Variants in GHR observed in about 807,000 individuals in gnomAD.
GHR encodes GH receptor.
GHR carries 35 observed loss-of-function variants against 67.1 expected under a neutral mutation model. The ratio of observed to expected loss-of-function variants is 0.52; its 90% CI spans 0.40 to 0.69. GHR has a LOEUF of 0.69. Ranked by LOEUF, GHR falls within the 30% of genes least tolerant of loss-of-function variation. The pLI is 0.00. For missense variants in GHR, 792 were observed against 764.6 expected (o/e 1.04, Z -0.42); for synonymous variants, 272 against 269.1 (o/e 1.01, Z -0.10).
chr5:42,696,577 A>C (rs1451663985), intron 5 of GHR, among the ~76,000 whole-genome samples: 2 of 152,174 alleles, frequency 1.3e-5, no homozygotes, highest in African/African-American at 4.8e-5. Flanking sequence ...CTTAGTAATT[A>C]CAACAGTAAC....
chr5:42,466,052 G>A (rs1477398896), intron 1 of GHR: 2 of 426,742 alleles, frequency 4.7e-6, no homozygotes, highest in Non-Finnish European at 8.6e-6. Flanking sequence ...TTTATTCTTT[G>A]ATTCCTCTAT....
At chr5:42,711,778 T>C (rs905166563) in intron 7 of GHR, among the ~76,000 whole-genome samples, 3 of 152,080 alleles carry the variant, frequency 2.0e-5, no homozygotes, top group South Asian at 2.1e-4. Context: ...TATGGATGGA[T>C]AGATATGTGA....
chr5:42,434,203 G>C (rs1396672079), intron 1 of GHR, among the ~76,000 whole-genome samples: 1 of 152,118 alleles, frequency 6.6e-6, no homozygotes, highest in African/African-American at 2.4e-5. Context: ...CAAGCCATGT[G>C]CTGATGCTGA....
chr5:42,474,278 A>G (rs1463786299), intron 1 of GHR, among the ~76,000 whole-genome samples: 1 of 132,068 alleles, frequency 7.6e-6, no homozygotes, highest in Non-Finnish European at 1.6e-5. Flanking sequence ...AAAGAAAGAA[A>G]GAAAGAAAAA....
At chr5:42,691,502 T>G (rs78295719) in intron 4 of GHR, among the ~76,000 whole-genome samples, 153 of 152,306 alleles carry the variant, frequency 1.0e-3, no homozygotes, top group East Asian at 5.8e-3. Flanking sequence ...ACTTTCTGAC[T>G]CTTATCACTG....
chr5:42,494,650 C>T (rs540979976), intron 1 of GHR, among the ~76,000 whole-genome samples: 25 of 152,234 alleles, frequency 1.6e-4, no homozygotes, highest in South Asian at 8.3e-4. Flanking sequence ...CAGATTAGCA[C>T]GTATGGGAGG....
At chr5:42,676,077 G>C (rs1225811165) in intron 3 of GHR, among the ~76,000 whole-genome samples, 1 of 152,166 alleles carries the variant, frequency 6.6e-6, no homozygotes, top group African/African-American at 2.4e-5. Context: ...ATGAGGTCAG[G>C]AGATCGAGAC....
intron 6 of GHR, among the ~76,000 whole-genome samples, chr5:42,702,282 A>T (rs1378220428): frequency 3.3e-5 from 5 of 152,058 alleles, no homozygotes; most frequent in African/African-American, 9.7e-5. Context: ...TCTGCATATA[A>T]GTGAGATTAT....
At position 42,605,088 on chromosome 5, in the gene GHR, C is replaced by CTT. The variant is rs1439364062; in HGVS notation, c.71-23949_71-23948insTT. ...CAACTTGACCAGAGATTTGTGGTGC[C>CTT]TCTTTTTTTTTTTTTTTTTTTTTTT... On this transcript the variant is annotated intron_variant, in intron 2 of 9. Coordinates refer to ENST00000230882, the MANE Select transcript of GHR (RefSeq NM_000163.5). Among the ~76,000 whole-genome samples the CTT allele has an allele frequency of 1.9e-3, 255 of 135,750 alleles. 1 individual carries two copies. The highest frequency in any genetic ancestry group is 7.4e-3 in the African/African-American group (249 of 33,702). The allele number at this position is 135,750 out of a possible 152,430, so 89.1% of individuals were successfully genotyped here.
Position 42,573,934 on chromosome 5 carries a change from T to C in GHR, c.70+7990T>C, listed in dbSNP as rs190900368. 1.6e-4 allele frequency among the ~76,000 whole-genome samples: 22 copies of C among 136,048 alleles called. No homozygotes were observed. In the East Asian group the frequency reaches 4.2e-3, roughly 26 times the overall value. The allele number at this position is 136,048 out of a possible 152,430, so 89.3% of individuals were successfully genotyped here. On this transcript the variant is annotated intron_variant, in intron 2 of 9. Transcript: ENST00000230882. ...GACTACTGGATAACCATGTGCTATG[T>C]GTAAATATTAACGGATTCACCTTAG...
At chr5:42,480,024 A>G (rs1369660572) in intron 1 of GHR, among the ~76,000 whole-genome samples, 1 of 152,134 alleles carries the variant, frequency 6.6e-6, no homozygotes, top group Non-Finnish European at 1.5e-5. Context: ...GTGGGCATTT[A>G]GTGCTATAAA....
intron 6 of GHR, 38 bp downstream of exon 6, chr5:42,700,040 T>C: frequency 6.2e-6 from 8 of 1,287,828 alleles, no homozygotes; most frequent in Non-Finnish European, 9.0e-6. Flanking sequence ...GACTTTTCTT[T>C]CTATTTCAAC....
chr5:42,592,494 C>A (rs1488806038), intron 2 of GHR, among the ~76,000 whole-genome samples: 1 of 152,200 alleles, frequency 6.6e-6, no homozygotes, highest in African/African-American at 2.4e-5. Flanking sequence ...TTAGCTCCCA[C>A]TTATAAATGA....
intron 1 of GHR, chr5:42,514,295 C>A (rs1747147234): frequency 3.0e-6 from 3 of 983,666 alleles, no homozygotes; most frequent in Non-Finnish European, 2.4e-6. Flanking sequence ...CCCAGGGAGT[C>A]CATATTGGGA....
At chr5:42,576,115 AAATAAAAT>A (rs1561135884) in intron 2 of GHR, among the ~76,000 whole-genome samples, 28 of 92,976 alleles carry the variant, frequency 3.0e-4, no homozygotes, top group African/African-American at 1.3e-3. Flanking sequence ...AAATAAAATA[AAATAAAAT>A]AAAATAAAAT....
intron 1 of GHR, among the ~76,000 whole-genome samples, chr5:42,455,683 C>T (rs997687076): frequency 2.0e-5 from 3 of 152,148 alleles, no homozygotes; most frequent in African/African-American, 7.2e-5. Context: ...ATTGCATTCT[C>T]TTGTAAATCT....
rs1758924581 is a variant in GHR at position 42,719,681 on chromosome 5, C to T, written c.*257C>T. On this transcript the variant is annotated 3_prime_UTR_variant, in exon 10 of 10. Transcript: ENST00000230882. ...CAGACTGTTTAGTAGCAGTGATTGT[C>T]TTAATATTGTGGGTGTTAATTTTTG... is the stretch of plus-strand genomic sequence containing the variant. The T allele has an allele frequency of 4.3e-6, 2 of 468,028 alleles. No individual in the cohort carries two copies. Among genetic ancestry groups the T allele is most frequent in the Middle Eastern group, 1.2e-3 (2 of 1,626 alleles). The allele number at this position is 468,028 out of a possible 1,614,324, so 29.0% of individuals were successfully genotyped here. A position where few individuals can be genotyped will look rare whatever the true frequency, so the allele number is the denominator to read the frequency against.
chr5:42,426,231 G>A lies in GHR; in HGVS notation c.-12+2276G>A, dbSNP rs146817357. ...TAATAAATGGAGCCACAGTTGCAGC[G>A]TGCTTCTTCCAAGTGCATGAAGCAA... On this transcript the variant is annotated intron_variant, in intron 1 of 9. Coordinates refer to ENST00000230882, the MANE Select transcript of GHR (RefSeq NM_000163.5). 3.3e-3 allele frequency among the ~76,000 whole-genome samples: 504 copies of A among 152,286 alleles called. 4 individuals are homozygous for A. The highest frequency in any genetic ancestry group is 0.011 in the African/African-American group (453 of 41,548).
At chr5:42,548,087 T>C in intron 1 of GHR, 1 of 985,286 alleles carries the variant, frequency 1.0e-6, no homozygotes, top group Middle Eastern at 5.2e-4. Flanking sequence ...ATAGGCCTCA[T>C]GAGACTCCAG....
Sources: gnomAD v4.1 joint callset for allele counts (sites outside exome capture counted in the v4.1 genomes callset) on GRCh38, gnomAD v4.1.1 for gene constraint, MANE v1.5 for transcripts, NCBI Gene and HGNC (gene_info 2026-07-23, HGNC 2026-07-21) for gene names.